Variants in TPH2 observed in about 807,000 individuals in gnomAD.
The protein encoded by TPH2 is tryptophan hydroxylase 2.
A neutral mutation model predicts 59.1 loss-of-function variants in TPH2; 27 were observed. The ratio of observed to expected loss-of-function variants is 0.46; its 90% CI spans 0.34 to 0.63. TPH2 has a LOEUF of 0.63. Among genes scored for constraint, TPH2 ranks in the 30% least tolerant of loss-of-function variants. The pLI, the probability that TPH2 is intolerant of heterozygous loss-of-function variation, is 0.01. For synonymous variants in TPH2, 220 were observed against 210.5 expected, an observed-to-expected ratio of 1.05 and a Z score of -0.39; for missense variants, 523 against 588.3, an observed-to-expected ratio of 0.89 and a Z score of 1.15.
At chr12:72,028,500 A>T (rs1873629541) in intron 9 of TPH2, among the ~76,000 whole-genome samples, 1 of 152,172 alleles carries the variant, frequency 6.6e-6, no homozygotes, top group Non-Finnish European at 1.5e-5. Flanking sequence ...GTATTCAGAG[A>T]TAGGAGACTT....
At chr12:71,955,309 G>T in intron 5 of TPH2, among the ~76,000 whole-genome samples, 1 of 152,198 alleles carries the variant, frequency 6.6e-6, no homozygotes, top group South Asian at 2.1e-4. Context: ...CTCCTGGGAG[G>T]TTTTTTTAAG....
intron 5 of TPH2, among the ~76,000 whole-genome samples, chr12:71,950,955 G>C (rs900732358): frequency 6.6e-6 from 1 of 152,022 alleles, no homozygotes; most frequent in Admixed American, 6.6e-5. Flanking sequence ...GGCATCCTTC[G>C]TCCTTTCTCC....
intron 8 of TPH2, among the ~76,000 whole-genome samples, chr12:72,020,647 C>A (rs1873384750): frequency 6.6e-6 from 1 of 152,028 alleles, no homozygotes; most frequent in East Asian, 1.9e-4. Context: ...CCACCACGCC[C>A]AGCTAATTTT....
chr12:71,942,338 A>G (rs2139176924), intron 2 of TPH2, among the ~76,000 whole-genome samples: 1 of 152,274 alleles, frequency 6.6e-6, no homozygotes, highest in East Asian at 1.9e-4. Context: ...CTGGTTAGGG[A>G]TGAGGCTGGA....
chr12:72,024,549 C>T (rs1873516822), intron 9 of TPH2, among the ~76,000 whole-genome samples: 1 of 152,260 alleles, frequency 6.6e-6, no homozygotes, highest in African/African-American at 2.4e-5. Flanking sequence ...AGGGCATGCA[C>T]TCTATAGAGT....
At chr12:71,969,677 C>T (rs1871918984) in intron 5 of TPH2, among the ~76,000 whole-genome samples, 1 of 152,118 alleles carries the variant, frequency 6.6e-6, no homozygotes, top group Non-Finnish European at 1.5e-5. Context: ...ATACACATAC[C>T]TATAAACCTT....
At chr12:72,010,115 C>CA (rs1873060951) in intron 8 of TPH2, among the ~76,000 whole-genome samples, 1 of 152,184 alleles carries the variant, frequency 6.6e-6, no homozygotes, top group African/African-American at 2.4e-5. Context: ...ATAACGTCTC[C>CA]AAGGTCAAGT....
intron 2 of TPH2, among the ~76,000 whole-genome samples, chr12:71,942,126 T>C (rs898021180): frequency 1.1e-4 from 16 of 152,190 alleles, no homozygotes; most frequent in Admixed American, 2.0e-4. Context: ...GCATGTTTAT[T>C]ATGAAAAACT....
At chr12:72,001,486 C>T (rs564184882) in intron 8 of TPH2, among the ~76,000 whole-genome samples, 2 of 150,910 alleles carry the variant, frequency 1.3e-5, no homozygotes, top group Admixed American at 6.6e-5. Context: ...AGTGCAATGG[C>T]GTGATCTCAG....
chr12:71,979,266 C>T (rs1377186195), intron 7 of TPH2, among the ~76,000 whole-genome samples, 179 bp downstream of exon 7: 2 of 152,182 alleles, frequency 1.3e-5, no homozygotes, highest in Admixed American at 6.5e-5. Context: ...CATCTGGGTC[C>T]GTGGGGGCCC....
At chr12:71,965,832 A>G (rs934124455) in intron 5 of TPH2, among the ~76,000 whole-genome samples, 1 of 152,124 alleles carries the variant, frequency 6.6e-6, no homozygotes, top group Admixed American at 6.6e-5. Context: ...CCCACTTGCC[A>G]ATTTTTGCTT....
intron 5 of TPH2, chr12:71,961,986 C>T (rs1048715009): frequency 2.2e-5 from 23 of 1,027,840 alleles, no homozygotes; most frequent in Non-Finnish European, 2.6e-5. Context: ...GACTCATTTA[C>T]GAAAATTCAT....
At chr12:72,015,568 G>A (rs61622462) in intron 8 of TPH2, among the ~76,000 whole-genome samples, 9,112 of 151,928 alleles carry the variant, frequency 0.06, 360 homozygotes, top group East Asian at 0.15. Context: ...ATCCACCCGC[G>A]TCGGTCTCCC....
chr12:71,997,775 G>A (rs1265653471), intron 8 of TPH2, among the ~76,000 whole-genome samples: 1 of 152,166 alleles, frequency 6.6e-6, no homozygotes, highest in Non-Finnish European at 1.5e-5. Flanking sequence ...GAAAAAAAGA[G>A]GTGGTAGTTT....
chr12:72,026,318 TA>T (rs1460061964), intron 9 of TPH2, among the ~76,000 whole-genome samples: 2 of 152,224 alleles, frequency 1.3e-5, no homozygotes, highest in Non-Finnish European at 2.9e-5. Flanking sequence ...ATTTACTTAT[TA>T]TTTTTTGGCT....
intron 8 of TPH2, 35 bp downstream of exon 8, chr12:71,994,600 T>A (rs1273427993): frequency 6.2e-7 from 1 of 1,611,822 alleles, no homozygotes; most frequent in East Asian, 2.2e-5. Flanking sequence ...CAGTGCTATT[T>A]ATGTCCATTT....
chr12:71,973,621 A>G lies in TPH2; in HGVS notation c.805+906A>G, dbSNP rs573185930. Among the ~76,000 whole-genome samples, 45 of 152,332 alleles carry G rather than the reference A, an allele frequency of 3.0e-4. 1 individual carries two copies. Among genetic ancestry groups the G allele is most frequent in the South Asian group, 2.5e-3 (12 of 4,826 alleles). On this transcript the variant is annotated intron_variant, in intron 6 of 10. Transcript: ENST00000333850. ...CATAAAAATGGGCAACCAGCGATCCATTCCACAGCTCTGCCTATAGAGTAA... is the reference window on the plus strand; with the variant it reads ...CATAAAAATGGGCAACCAGCGATCCGTTCCACAGCTCTGCCTATAGAGTAA...
At position 71,941,725 on chromosome 12, in the gene TPH2, C is replaced by G. The variant is rs148074013; in HGVS notation, c.247C>G (p.Leu83Val). The G allele has an allele frequency of 6.2e-7, 1 of 1,613,946 alleles. No individual in the cohort carries two copies. The highest frequency in any genetic ancestry group is 8.5e-7 in the Non-Finnish European group (1 of 1,179,846). The change falls in exon 2 of 11, where the codon CTC (leucine) becomes GTC (valine). Residue 83 changes from leucine (L) to valine (V), a missense_variant. Physicochemically the swap from Leu to Val is conservative, Grantham distance 32. Coordinates refer to ENST00000333850, the MANE Select transcript of TPH2 (RefSeq NM_173353.4). ...EVGGLVKALR[L>V]FQEKRVNMVH... ...TGGTGGATTGGTAAAAGCACTGAGG[C>G]TCTTTCAGGTGAATGTGAAATATCA...
At chr12:71,956,505 C>CCCTCCTTCCCTCCTTCCT (rs1566120516) in intron 5 of TPH2, among the ~76,000 whole-genome samples, 1 of 6,014 alleles carries the variant, frequency 1.7e-4, no homozygotes, top group African/African-American at 4.5e-4. Flanking sequence ...CTTTCCCTCC[C>CCCTCCTTCCCTCCTTCCT]TCCCTCCTTC....
Sources: allele counts gnomAD v4.1 joint callset (sites outside exome capture counted in the v4.1 genomes callset), GRCh38; gene constraint gnomAD v4.1.1; transcripts MANE v1.5; gene names NCBI Gene and HGNC (gene_info 2026-07-23, HGNC 2026-07-21).